PXDN: variants seen among roughly 807,000 people sequenced by gnomAD.
The protein encoded by PXDN is peroxidasin homolog.
Under a neutral mutation model 140.3 loss-of-function variants are expected in PXDN, and 77 were observed. The observed-to-expected ratio is 0.55, with a 90% CI of 0.46 to 0.66. The LOEUF (loss-of-function observed/expected upper bound fraction) is 0.66, where lower values mean the gene tolerates loss of function less well. PXDN is among the 30% of genes least tolerant of loss of function. The pLI is 0.00. For synonymous variants in PXDN, 911 were observed against 857.4 expected, an observed-to-expected ratio of 1.06 and a Z score of -1.09; for missense variants, 1,838 against 2,039.5, an observed-to-expected ratio of 0.90 and a Z score of 1.90.
intron 21 of PXDN, among the ~76,000 whole-genome samples, chr2:1,637,572 G>C (rs113149490): frequency 7.4e-5 from 6 of 81,340 alleles, no homozygotes; most frequent in African/African-American, 2.5e-4. Flanking sequence ...GCTGCCAGGC[G>C]ATGTACACCT....
At chr2:1,720,420 T>A (rs1487856225) in intron 1 of PXDN, among the ~76,000 whole-genome samples, 5 of 147,344 alleles carry the variant, frequency 3.4e-5, no homozygotes, top group Non-Finnish European at 6.0e-5. Flanking sequence ...GAGGGAGGGA[T>A]GCAGAGAGAG....
At chr2:1,671,680 C>T (rs113339004) in intron 9 of PXDN, among the ~76,000 whole-genome samples, 66 of 147,172 alleles carry the variant, frequency 4.5e-4, no homozygotes, top group African/African-American at 1.3e-3. Flanking sequence ...ATACTGGGTG[C>T]GATATGCCCC....
At chr2:1,658,027 GCTCT>G (rs1156959508) in intron 14 of PXDN, among the ~76,000 whole-genome samples, 57 of 4,848 alleles carry the variant, frequency 0.012, 1 homozygote, top group Non-Finnish European at 0.02. Flanking sequence ...TCAGCTGTGG[GCTCT>G]CTCTCTCTCT....
intron 6 of PXDN, among the ~76,000 whole-genome samples, chr2:1,682,287 C>G (rs946151309): frequency 1.3e-5 from 2 of 152,110 alleles, no homozygotes; most frequent in African/African-American, 4.8e-5. Context: ...TGGAAGTATT[C>G]ATCCCATCTT....
At chr2:1,653,972 C>A in intron 15 of PXDN, 187 bp from the exon 16 acceptor site, 3 of 637,930 alleles carry the variant, frequency 4.7e-6, no homozygotes, top group Non-Finnish European at 7.6e-6. Context: ...AGACAAAAAC[C>A]GGAAGACACT....
At chr2:1,684,222 T>C in intron 4 of PXDN, 71 bp from the exon 5 acceptor site, 1 of 1,348,998 alleles carries the variant, frequency 7.4e-7, no homozygotes, top group Non-Finnish European at 1.0e-6. Flanking sequence ...TTGCCCAAAT[T>C]TTTTTCCTAG....
rs1193643018 is a variant in PXDN at position 1,653,705 on chromosome 2, C to G, written c.2027G>C (p.Gly676Ala). The part of the protein sequence containing the change: ...DPYTVEQARA[G>A]EIFERTLQLI... ...CTGCAATGTCCGTTCAAAGATTTCT[C>G]CCGCCCGTGCCTGTTCAACTGTGTA... The change falls in exon 16 of 23, where the codon GGA becomes GCA. Residue 676 changes from glycine (G) to alanine (A), a missense_variant. By Grantham distance (60) the Gly-to-Ala change is moderately conservative (BLOSUM62 0). This residue lies in a region of PXDN where 537 missense variants were observed against 583.9 expected (regional missense o/e 0.92). Coordinates refer to ENST00000252804, the MANE Select transcript of PXDN (RefSeq NM_012293.3). 2.5e-6 allele frequency: 4 copies of G among 1,607,014 alleles called. No homozygotes were observed.
chr2:1,663,320 G>A (rs1436803313), intron 12 of PXDN, among the ~76,000 whole-genome samples: 1 of 151,928 alleles, frequency 6.6e-6, no homozygotes. Flanking sequence ...ATTAACCAAG[G>A]GAAAAAACCT....
chr2:1,664,946 C>T lies in PXDN; in HGVS notation c.1408+12G>A, dbSNP rs367978787. The T allele has an allele frequency of 3.2e-6, 5 of 1,581,988 alleles. No individual in the cohort carries two copies. The African/African-American group carries it at 5.4e-5, about 17-fold the overall frequency. On this transcript the variant is annotated intron_variant, in intron 11 of 22. Coordinates refer to ENST00000252804, the MANE Select transcript of PXDN (RefSeq NM_012293.3). Reference sequence around the variant, plus strand: ...GCGGAGGGAGCAGGCAAAGGGCCGGCCTGGGTCTTACCTCCCTTGGTCCAG... The same window carrying T: ...GCGGAGGGAGCAGGCAAAGGGCCGGTCTGGGTCTTACCTCCCTTGGTCCAG...
At chr2:1,732,244 C>T (rs1685329086) in intron 1 of PXDN, among the ~76,000 whole-genome samples, 2 of 152,128 alleles carry the variant, frequency 1.3e-5, no homozygotes, top group Admixed American at 1.3e-4. Context: ...CCCGGGGAGG[C>T]CAGGCAGCAG....
intron 1 of PXDN, among the ~76,000 whole-genome samples, chr2:1,713,457 A>T (rs1371847632): frequency 6.6e-6 from 1 of 151,978 alleles, no homozygotes; most frequent in Non-Finnish European, 1.5e-5. Flanking sequence ...CAAAATCCCC[A>T]CCTGGAAAAC....
At chr2:1,688,322 G>A in intron 3 of PXDN, among the ~76,000 whole-genome samples, 1 of 152,228 alleles carries the variant, frequency 6.6e-6, no homozygotes, top group East Asian at 1.9e-4. Context: ...ATGAAGCTCT[G>A]CTGGAACACG....
rs1163331831 is a variant in PXDN at position 1,744,328 on chromosome 2, A to C, written c.128T>G (p.Phe43Cys). The C allele has an allele frequency of 1.3e-6, 2 of 1,528,582 alleles. No individual in the cohort carries two copies. Among genetic ancestry groups the C allele is most frequent in the Admixed American group, 2.0e-5 (1 of 50,694 alleles). 94.7% of individuals were successfully genotyped at this position (1,528,582 alleles called of 1,614,324 possible). A position where few individuals can be genotyped will look rare whatever the true frequency, so the allele number is the denominator to read the frequency against. Residue 43 changes from phenylalanine to cysteine, a missense_variant, in exon 1 of 23, where the codon TTC (phenylalanine) becomes TGC (cysteine). This residue lies in a region of PXDN where 231 missense variants were observed against 201.5 expected (regional missense o/e 1.15). Coordinates refer to ENST00000252804, the MANE Select transcript of PXDN (RefSeq NM_012293.3). ...GAGCPSRCLC[F>C]RTTVRCMHLL... ...ATGCATGCAGCGCACGGTGGTGCGG[A>C]AGCACAGGCAGCGGCTCGGACACCC...
At chr2:1,740,637 A>T (rs10191981) in intron 1 of PXDN, among the ~76,000 whole-genome samples, 7,617 of 150,424 alleles carry the variant, frequency 0.051, 621 homozygotes, top group African/African-American at 0.18. Flanking sequence ...CTTTCCCCAT[A>T]CCCCGTCCCA....
rs139218938 is a variant in PXDN, at chr2:1,727,301, A to G, written c.200+16955T>C. On this transcript the variant is annotated intron_variant, in intron 1 of 22. Transcript: ENST00000252804. ...CAGCGGCTGCCCCTCCTTCAGACAA[A>G]GTTCTTTGGCCTCATATTTCAGTTT... 3.9e-4 allele frequency among the ~76,000 whole-genome samples: 60 copies of G among 152,196 alleles called. 1 individual carries two copies. The East Asian group carries it at 0.011, about 28-fold the overall frequency.
At chr2:1,698,353 A>G (rs1266544775) in intron 1 of PXDN, among the ~76,000 whole-genome samples, 1 of 152,142 alleles carries the variant, frequency 6.6e-6, no homozygotes, top group Non-Finnish European at 1.5e-5. Flanking sequence ...AGATCGGTGC[A>G]TACAGGGAAC....
intron 14 of PXDN, among the ~76,000 whole-genome samples, chr2:1,658,017 TCAGCTGTGGG>T (rs1275486114): frequency 7.3e-6 from 1 of 136,684 alleles, no homozygotes; most frequent in Non-Finnish European, 1.6e-5. Context: ...GCACTCCATT[TCAGCTGTGGG>T]CTCTCTCTCT....
chr2:1,723,655 GATGGATGAATGA>G (rs1685107335), intron 1 of PXDN, among the ~76,000 whole-genome samples: 1 of 151,974 alleles, frequency 6.6e-6, no homozygotes, highest in African/African-American at 2.4e-5. Flanking sequence ...TAAATGAATA[GATGGATGAATGA>G]ATGGATTAAT....
Position 1,648,046 on chromosome 2 carries a change from C to G in PXDN, c.3608+126G>C. 194 of 1,291,714 alleles carry G rather than the reference C, an allele frequency of 1.5e-4. No homozygotes were observed. The highest frequency in any genetic ancestry group is 2.0e-4 in the Non-Finnish European group (182 of 927,938). 80.0% of individuals were successfully genotyped at this position (1,291,714 alleles called of 1,614,324 possible). On this transcript the variant is annotated intron_variant, in intron 17 of 22. Transcript: ENST00000252804. This position sits in a 1 kb window ranked among gnomAD's most constrained non-coding sequence, Gnocchi z 8.9. ...CCCATCTTGACCTTCATGGACTTGA[C>G]CTTCATCTCACCTCTGCACGACACG... is the stretch of plus-strand genomic sequence containing the variant.
Sources: gnomAD v4.1 joint callset for allele counts (sites outside exome capture counted in the v4.1 genomes callset) on GRCh38, gnomAD v4.1.1 for gene constraint, gnomAD v4.1.1 regional missense constraint, Gnocchi (gnomAD v3.1) non-coding constraint, MANE v1.5 for transcripts, NCBI Gene and HGNC (gene_info 2026-07-23, HGNC 2026-07-21) for gene names.